The following TSPAN7 variants were observed in gnomAD, a reference collection of about 807,000 sequenced individuals.
TSPAN7 encodes tetraspanin 7.
In TSPAN7, 1 loss-of-function variant was observed where a neutral mutation model predicts 17.6. The observed-to-expected ratio is 0.06, with a 90% confidence interval of 0.02 to 0.27. The LOEUF (loss-of-function observed/expected upper bound fraction) is 0.27. Ranked by LOEUF, TSPAN7 falls within the 10% of genes least tolerant of loss-of-function variation. The probability of loss-of-function intolerance (pLI) is 1.00; values close to 1 mark genes in which losing one functional copy is unlikely to be tolerated. For missense variants in TSPAN7, 112 were observed against 201.7 expected (o/e 0.56, Z 2.69); for synonymous variants, 78 against 79.0 (o/e 0.99, Z 0.07).
At chrX:38,622,848 T>C (rs1203544865) in intron 1 of TSPAN7, 1 of 329,229 alleles carries the variant, frequency 3.0e-6, no homozygotes, top group Non-Finnish European at 5.9e-6. Flanking sequence ...TAGTGTGATC[T>C]GCAAAATGAT....
chrX:38,668,301 G>A (rs2069796373), intron 2 of TSPAN7, among the ~76,000 whole-genome samples: 1 of 111,766 alleles, frequency 8.9e-6, no homozygotes, highest in Non-Finnish European at 1.9e-5. Context: ...TTTGCTTGTG[G>A]GGCAGAAGTA....
At chrX:38,589,680 TA>T (rs1035825288) in intron 1 of TSPAN7, among the ~76,000 whole-genome samples, 2 of 111,942 alleles carry the variant, frequency 1.8e-5, no homozygotes, top group African/African-American at 6.5e-5. Flanking sequence ...AGGTGAAACT[TA>T]AATATTTGTA....
intron 1 of TSPAN7, among the ~76,000 whole-genome samples, chrX:38,564,824 T>C (rs1004285046): frequency 2.2e-4 from 25 of 111,533 alleles, no homozygotes; most frequent in African/African-American, 6.9e-4. Flanking sequence ...AGATGTGGGG[T>C]TTTTTTATAT....
chrX:38,673,583 G>T (rs1475981493), intron 3 of TSPAN7, among the ~76,000 whole-genome samples: 1 of 109,964 alleles, frequency 9.1e-6, no homozygotes, highest in Non-Finnish European at 1.9e-5. Context: ...ATCTTGGCCA[G>T]GCTGGTCTTG....
At chrX:38,617,461 G>A (rs889598773) in intron 1 of TSPAN7, among the ~76,000 whole-genome samples, 1 of 112,705 alleles carries the variant, frequency 8.9e-6, no homozygotes, top group African/African-American at 3.2e-5. Context: ...GACAACGACA[G>A]AGTTTTTAAT....
intron 5 of TSPAN7, among the ~76,000 whole-genome samples, chrX:38,677,131 G>A (rs1306783632): frequency 8.9e-6 from 1 of 111,889 alleles, no homozygotes; most frequent in Non-Finnish European, 1.9e-5. Context: ...GAAGTCAGGA[G>A]CACAGGGTCT....
In TSPAN7 at chrX:38,568,203, T is replaced by C. The variant is rs760011576; in HGVS notation, c.81+6576T>C. On this transcript the variant is annotated intron_variant, in intron 1 of 7. Coordinates refer to ENST00000378482, the MANE Select transcript of TSPAN7 (RefSeq NM_004615.4). ...GGGCCTTTGAAACAGTGGACATCAA[T>C]ATAGTCTCCCTTCACCATCATCCTG... Among the ~76,000 whole-genome samples the C allele has an allele frequency of 1.8e-4, 20 of 110,885 alleles. No individual in the cohort carries two copies. The East Asian group carries it at 5.4e-3, about 30-fold the overall frequency.
chrX:38,589,969 T>C (rs1326877722), intron 1 of TSPAN7, among the ~76,000 whole-genome samples: 2 of 113,035 alleles, frequency 1.8e-5, no homozygotes, highest in African/African-American at 6.4e-5. Context: ...TTCTAAGGTA[T>C]TGTGACTACA....
intron 1 of TSPAN7, among the ~76,000 whole-genome samples, chrX:38,640,924 A>G (rs765887667): frequency 8.9e-6 from 1 of 112,251 alleles, no homozygotes; most frequent in African/African-American, 3.2e-5. Context: ...CACAATACTA[A>G]GCACTTTAGC....
chrX:38,603,024 A>G (rs2069354688), intron 1 of TSPAN7, among the ~76,000 whole-genome samples: 1 of 112,356 alleles, frequency 8.9e-6, no homozygotes, highest in Non-Finnish European at 1.9e-5. Flanking sequence ...TGCAAATCAT[A>G]TATCTGAAAA....
chrX:38,564,799 C>A (rs2069133271), intron 1 of TSPAN7, among the ~76,000 whole-genome samples: 1 of 111,664 alleles, frequency 9.0e-6, no homozygotes, highest in South Asian at 3.8e-4. Flanking sequence ...TTATTCATAT[C>A]TTTTGACCAT....
At chrX:38,598,540 T>C (rs927929568) in intron 1 of TSPAN7, among the ~76,000 whole-genome samples, 1 of 110,808 alleles carries the variant, frequency 9.0e-6, no homozygotes, top group African/African-American at 3.3e-5. Context: ...AATTATTATT[T>C]CCCCCCTCCA....
At chrX:38,567,989 G>A (rs1395883666) in intron 1 of TSPAN7, among the ~76,000 whole-genome samples, 1 of 111,908 alleles carries the variant, frequency 8.9e-6, no homozygotes, top group African/African-American at 3.2e-5. Flanking sequence ...TTTCTCTACA[G>A]TTAAGAATTG....
chrX:38,631,627 T>C (rs1397165963), intron 1 of TSPAN7, among the ~76,000 whole-genome samples: 1 of 111,619 alleles, frequency 9.0e-6, no homozygotes, highest in Non-Finnish European at 1.9e-5. Context: ...TAAGTGAATT[T>C]AGGGGTTTTC....
intron 1 of TSPAN7, among the ~76,000 whole-genome samples, chrX:38,664,009 C>G (rs376663760): frequency 8.9e-6 from 1 of 112,493 alleles, no homozygotes; most frequent in African/African-American, 3.2e-5. Context: ...ATATATTCAG[C>G]CTAAACACCG....
chrX:38,683,154 A>G (rs2147459097), intron 6 of TSPAN7, among the ~76,000 whole-genome samples: 1 of 112,262 alleles, frequency 8.9e-6, no homozygotes, highest in South Asian at 3.7e-4. Context: ...TCATCCAAGA[A>G]TATTCCCATG....
chrX:38,594,473 A>C (rs1211693576), intron 1 of TSPAN7, among the ~76,000 whole-genome samples: 1 of 111,541 alleles, frequency 9.0e-6, no homozygotes, highest in Non-Finnish European at 1.9e-5. Context: ...GTATACACAG[A>C]AGTGACATTT....
Position 38,675,745 on chromosome X carries a change from C to G in TSPAN7, c.482C>G (p.Thr161Ser). Reference sequence around the variant, plus strand: ...GTGCAGAACTACACCAACTGGAGCACCAGCCCCTACTTCCTGGAGCATGGC... The same window carrying G: ...GTGCAGAACTACACCAACTGGAGCAGCAGCCCCTACTTCCTGGAGCATGGC... Reference protein sequence around the residue: ...CGVQNYTNWSTSPYFLEHGIP... With the variant: ...CGVQNYTNWSSSPYFLEHGIP... The change falls in exon 5 of 8, where the codon ACC becomes AGC. Residue 161 changes from threonine (T) to serine (S), a missense_variant. By Grantham distance (58) the Thr-to-Ser change is moderately conservative. Coordinates refer to ENST00000378482, the MANE Select transcript of TSPAN7 (RefSeq NM_004615.4). 8.3e-7 allele frequency: 1 copy of G among 1,211,172 alleles called. No individual in the cohort carries two copies. Among genetic ancestry groups the G allele is most frequent in the Non-Finnish European group, 1.1e-6 (1 of 895,369 alleles).
intron 1 of TSPAN7, among the ~76,000 whole-genome samples, chrX:38,601,983 T>G (rs2069349459): frequency 8.9e-6 from 1 of 111,813 alleles, no homozygotes; most frequent in South Asian, 3.7e-4. Flanking sequence ...GGCCCATGTC[T>G]CACTGACCAA....
Sources: allele counts gnomAD v4.1 joint callset (sites outside exome capture counted in the v4.1 genomes callset), GRCh38; gene constraint gnomAD v4.1.1; transcripts MANE v1.5; gene names NCBI Gene and HGNC (gene_info 2026-07-23, HGNC 2026-07-21).